Variants in PAK5 observed in about 807,000 individuals in gnomAD.
The protein encoded by PAK5 is serine/threonine-protein kinase PAK 5.
PAK5 carries 16 observed loss-of-function variants against 65.9 expected under a neutral mutation model. The ratio of observed to expected loss-of-function variants is 0.24; its 90% CI spans 0.16 to 0.37. PAK5 has a LOEUF of 0.37. Among genes scored for constraint, PAK5 ranks in the 10% least tolerant of loss-of-function variants. The probability of loss-of-function intolerance (pLI) is 1.00; values close to 1 mark genes in which losing one functional copy is unlikely to be tolerated. For synonymous variants in PAK5, 371 were observed against 354.9 expected (o/e 1.05, Z -0.51); for missense variants, 785 against 903.9 (o/e 0.87, Z 1.69).
At chr20:9,630,380 A>G (rs1342447067) in intron 3 of PAK5, among the ~76,000 whole-genome samples, 5 of 152,172 alleles carry the variant, frequency 3.3e-5, no homozygotes, top group Non-Finnish European at 5.9e-5. Flanking sequence ...GATCTTCTCA[A>G]TCAAGCCAGA....
intron 2 of PAK5, among the ~76,000 whole-genome samples, chr20:9,644,729 C>T: frequency 6.6e-6 from 1 of 152,218 alleles, no homozygotes; most frequent in Non-Finnish European, 1.5e-5. Flanking sequence ...GACACTTCCT[C>T]AGCCTAGGTC....
At chr20:9,804,871 C>T (rs192067821) in intron 1 of PAK5, among the ~76,000 whole-genome samples, 190 of 152,098 alleles carry the variant, frequency 1.2e-3, no homozygotes, top group African/African-American at 4.3e-3. Context: ...CAACACAGTG[C>T]GACCTTGTCT....
chr20:9,605,067 G>C (rs1317793430), intron 3 of PAK5, among the ~76,000 whole-genome samples: 1 of 152,200 alleles, frequency 6.6e-6, no homozygotes, highest in African/African-American at 2.4e-5. Context: ...ATGAAAATGA[G>C]AGAAATCCAC....
At chr20:9,823,489 G>C (rs954888440) in intron 1 of PAK5, among the ~76,000 whole-genome samples, 1 of 152,106 alleles carries the variant, frequency 6.6e-6, no homozygotes, top group African/African-American at 2.4e-5. Context: ...CTGTTCTCTT[G>C]GTAGTGAATA....
intron 1 of PAK5, among the ~76,000 whole-genome samples, chr20:9,813,452 A>G (rs1175439799): frequency 6.6e-6 from 1 of 152,186 alleles, no homozygotes; most frequent in African/African-American, 2.4e-5. Context: ...AAAGCTAGAC[A>G]GAAAAAGTTT....
intron 2 of PAK5, among the ~76,000 whole-genome samples, chr20:9,689,289 A>AT (rs1322152988): frequency 6.6e-6 from 1 of 152,214 alleles, no homozygotes; most frequent in Admixed American, 6.5e-5. Flanking sequence ...AGGATGCAGG[A>AT]TAAACTCACC....
rs1156667544 is a variant in PAK5 at position 9,627,175 on chromosome 20, C to T, written c.204+16950G>A. Among the ~76,000 whole-genome samples the T allele has an allele frequency of 3.9e-5, 6 of 152,322 alleles. No homozygotes were observed. In the East Asian group the frequency reaches 9.6e-4, roughly 24 times the overall value. ...TTTCATTTCTAGAGAAGGTTTATCA[C>T]ATTCAGCTGTTTCTCCAGCTTTCTG... On this transcript the variant is annotated intron_variant, in intron 3 of 9. Transcript: ENST00000353224.
intron 7 of PAK5, among the ~76,000 whole-genome samples, chr20:9,546,673 G>A (rs1019294663): frequency 6.6e-6 from 1 of 152,314 alleles, no homozygotes; most frequent in South Asian, 2.1e-4. Context: ...GGAAAGCCAA[G>A]GTAGGGATAG....
At chr20:9,744,989 G>A (rs1250276870) in intron 1 of PAK5, among the ~76,000 whole-genome samples, 1 of 152,028 alleles carries the variant, frequency 6.6e-6, no homozygotes, top group African/African-American at 2.4e-5. Context: ...CAGGAGAATG[G>A]GGATAGAGAG....
chr20:9,747,146 C>A (rs900665064), intron 1 of PAK5, among the ~76,000 whole-genome samples: 36 of 152,074 alleles, frequency 2.4e-4, no homozygotes, highest in African/African-American at 4.3e-4. Flanking sequence ...AAGAAGTTGA[C>A]TCTCTGAATA....
chr20:9,699,117 C>T (rs1161129783), intron 2 of PAK5, among the ~76,000 whole-genome samples: 1 of 152,088 alleles, frequency 6.6e-6, no homozygotes, highest in Non-Finnish European at 1.5e-5. Flanking sequence ...GTACTACAAC[C>T]AGATCTCTGC....
chr20:9,635,836 C>G (rs56221234), intron 3 of PAK5, among the ~76,000 whole-genome samples: 53,144 of 152,048 alleles, frequency 0.35, 10,670 homozygotes, highest in South Asian at 0.64. Flanking sequence ...AATGGGGAAC[C>G]TAATCTGTGA....
At chr20:9,821,238 G>A (rs2049417110) in intron 1 of PAK5, among the ~76,000 whole-genome samples, 1 of 152,030 alleles carries the variant, frequency 6.6e-6, no homozygotes, top group Non-Finnish European at 1.5e-5. Flanking sequence ...AAATTTAGCT[G>A]GGCATGGTGG....
rs2048946938 is a variant in PAK5 at position 9,782,126 on chromosome 20, T to A, written c.-162+56636A>T. On this transcript the variant is annotated intron_variant, in intron 1 of 9. Transcript: ENST00000353224. ...CCTTGTTCCAGCCACAGTGGCTTCC[T>A]GACATGTTCCTTGGGTGCCAGGTGC... 2.6e-5 allele frequency among the ~76,000 whole-genome samples: 4 copies of A among 152,322 alleles called. No homozygotes were observed. The South Asian group carries it at 8.3e-4, about 32-fold the overall frequency.
At chr20:9,593,806 ATCTC>A (rs140675565) in intron 3 of PAK5, among the ~76,000 whole-genome samples, 1 of 147,426 alleles carries the variant, frequency 6.8e-6, no homozygotes, top group Non-Finnish European at 1.5e-5. Context: ...TATCCCAAGG[ATCTC>A]TCTCTCTCTC....
At chr20:9,586,293 T>C (rs1227269165) in intron 3 of PAK5, among the ~76,000 whole-genome samples, 1 of 152,156 alleles carries the variant, frequency 6.6e-6, no homozygotes, top group Non-Finnish European at 1.5e-5. Flanking sequence ...TCCTTTGAGA[T>C]AAGAGCATTA....
intron 1 of PAK5, among the ~76,000 whole-genome samples, chr20:9,767,371 C>T (rs1039480411): frequency 9.2e-5 from 14 of 152,332 alleles, no homozygotes; most frequent in Admixed American, 7.2e-4. Context: ...GGTCCACTCA[C>T]CTGTCTGCTT....
intron 1 of PAK5, among the ~76,000 whole-genome samples, chr20:9,814,796 G>A (rs1341049709): frequency 1.3e-5 from 2 of 152,172 alleles, no homozygotes; most frequent in Non-Finnish European, 2.9e-5. Context: ...TGACACGAGG[G>A]TGGACACCTG....
chr20:9,831,216 T>C (rs1415343907), intron 1 of PAK5, among the ~76,000 whole-genome samples: 2 of 152,258 alleles, frequency 1.3e-5, no homozygotes, highest in Non-Finnish European at 2.9e-5. Context: ...GGTGTGTGTG[T>C]GTGTGCGCGC....
Sources: allele counts gnomAD v4.1 joint callset (sites outside exome capture counted in the v4.1 genomes callset), GRCh38; gene constraint gnomAD v4.1.1; transcripts MANE v1.5; gene names NCBI Gene and HGNC (gene_info 2026-07-23, HGNC 2026-07-21).